Variants in BAIAP3 observed in about 807,000 individuals in gnomAD.
BAIAP3 encodes BAI1 associated protein 3.
In BAIAP3, 180 loss-of-function variants were observed where a neutral mutation model predicts 149.7. The observed-to-expected ratio is 1.20, with a 90% CI of 1.07 to 1.36. BAIAP3 has a LOEUF of 1.36. Among genes scored for constraint, BAIAP3 ranks in the 40% most tolerant of loss-of-function variants. The probability of loss-of-function intolerance (pLI) is 0.00; values close to 1 mark genes in which losing one functional copy is unlikely to be tolerated. For synonymous variants in BAIAP3, 845 were observed against 670.7 expected (o/e 1.26, Z -4.02); for missense variants, 1,767 against 1,563.4 (o/e 1.13, Z -2.20).
intron 1 of BAIAP3, among the ~76,000 whole-genome samples, chr16:1,337,573 A>G (rs2033545164): frequency 6.6e-6 from 1 of 152,104 alleles, no homozygotes; most frequent in African/African-American, 2.4e-5. Flanking sequence ...AAACAAAACA[A>G]AAAGTGGGTG....
In BAIAP3 at chr16:1,347,573, A is replaced by G. The variant is rs1052605699; in HGVS notation, c.2852A>G (p.Lys951Arg). ...KRLKEELRLH[K>R]CSTRECIEQF... is the part of the protein sequence containing the mutation. ...CTGAAGGAGGAGCTGCGGCTGCACA[A>G]ATGTTCCACCCGCGAGTGCATCGAG... Residue 951 changes from lysine (K) to arginine (R), a missense_variant, in exon 30 of 34, where the codon AAA (lysine) becomes AGA (arginine). Coordinates refer to ENST00000426824, the MANE Select transcript of BAIAP3 (RefSeq NM_001199097.2). 1.2e-6 allele frequency: 2 copies of G among 1,612,142 alleles called. No individual in the cohort carries two copies. The highest frequency in any genetic ancestry group is 1.3e-5 in the African/African-American group (1 of 74,888).
chr16:1,338,794 C>T (rs1467341270), intron 2 of BAIAP3, 108 bp from the exon 3 acceptor site: 2 of 1,576,764 alleles, frequency 1.3e-6, no homozygotes, highest in Non-Finnish European at 1.7e-6. Flanking sequence ...CTGCAGTTAG[C>T]TGTGCCACAC....
Position 1,341,430 on chromosome 16 carries a change from C to T in BAIAP3, c.672C>T (p.Ile224=), listed in dbSNP as rs1203213467. 1.2e-6 allele frequency: 2 copies of T among 1,612,418 alleles called. No individual in the cohort carries two copies. Among genetic ancestry groups the T allele is most frequent in the Admixed American group, 3.3e-5 (2 of 60,010 alleles). The change falls in exon 8 of 34, where the codon ATC becomes ATT. Residue 224 remains isoleucine, a synonymous_variant. Transcript: ENST00000426824. The part of the protein sequence containing the change: ...KRGGPLPAKC[I]QVTEVKSSTL... The stretch of plus-strand genomic sequence containing the variant: ...GTGGACCCCTGCCTGCCAAGTGCAT[C>T]CAGGTCACCGAGGTGAAGAGCAGCA...
Position 1,345,037 on chromosome 16 carries a change from G to T in BAIAP3, c.1878G>T (p.Gly626=). The change falls in exon 21 of 34, where the codon GGG becomes GGT. Residue 626 remains glycine, a synonymous_variant. Coordinates refer to ENST00000426824, the MANE Select transcript of BAIAP3 (RefSeq NM_001199097.2). ...AGATGACCCTGGAGGTGGCCTCGGG[G>T]CTCTTTGAGCTCTACCTGACCCTGG... ...SPKMTLEVAS[G]LFELYLTLAD... The T allele has an allele frequency of 6.2e-7, 1 of 1,612,412 alleles. No homozygotes were observed. Among genetic ancestry groups the T allele is most frequent in the Non-Finnish European group, 8.5e-7 (1 of 1,180,008 alleles).
At position 1,348,751 on chromosome 16, in the gene BAIAP3, G is replaced by T. The variant is rs1425451357; in HGVS notation, c.*269G>T. The stretch of plus-strand genomic sequence containing the variant: ...CCCAGGACACAGTGCAGGCCAGAGC[G>T]GGCTTGACCACCTGGTGGGCCTCCC... On this transcript the variant is annotated 3_prime_UTR_variant, in exon 34 of 34. Coordinates refer to ENST00000426824, the MANE Select transcript of BAIAP3 (RefSeq NM_001199097.2). 1 of 532,910 alleles carries T rather than the reference G, an allele frequency of 1.9e-6. No homozygotes were observed. Among genetic ancestry groups the T allele is most frequent in the Admixed American group, 3.4e-5 (1 of 29,796 alleles). The allele number at this position is 532,910 out of a possible 1,614,324, so 33.0% of individuals were successfully genotyped here.
intron 22 of BAIAP3, 67 bp downstream of exon 22, chr16:1,345,439 GCAACCCCAGCCTCCCCAGCAACCCCCA>G (rs2034258731): frequency 8.2e-7 from 1 of 1,214,610 alleles, no homozygotes. Context: ...CGCCTCCCCA[GCAACCCCAGCCTCCCCAGCAACCCCCA>G]GCCTCCTCCG....
rs745795252 is a variant in BAIAP3 at position 1,349,206 on chromosome 16, C to T, written c.*724C>T. 1.9e-5 allele frequency: 11 copies of T among 584,504 alleles called. No homozygotes were observed. Among genetic ancestry groups the T allele is most frequent in the Non-Finnish European group, 3.1e-5 (10 of 327,502 alleles). The allele number at this position is 584,504 out of a possible 1,614,324, so 36.2% of individuals were successfully genotyped here. A position where few individuals can be genotyped will look rare whatever the true frequency, so the allele number is the denominator to read the frequency against. ...CCGAGAGTTCGCCCCAACCCTTCCC[C>T]AGGCCCAGTGTGAAAAACAGACTCA... On this transcript the variant is annotated 3_prime_UTR_variant, in exon 34 of 34. Coordinates refer to ENST00000426824, the MANE Select transcript of BAIAP3 (RefSeq NM_001199097.2).
chr16:1,341,684 G>A (rs2033936944), intron 8 of BAIAP3, 138 bp from the exon 9 acceptor site: 2 of 1,196,436 alleles, frequency 1.7e-6, no homozygotes, highest in South Asian at 2.9e-5. Flanking sequence ...CACCTGGCGG[G>A]ATCAGGATTT....
chr16:1,338,395 G>C, intron 1 of BAIAP3, 145 bp from the exon 2 acceptor site: 3 of 1,062,188 alleles, frequency 2.8e-6, no homozygotes, highest in East Asian at 2.7e-5. Context: ...GCCTGACCAG[G>C]TGCCCAGCGC....
intron 14 of BAIAP3, 49 bp from the exon 15 acceptor site, chr16:1,343,344 A>T (rs1001554124): frequency 1.2e-5 from 18 of 1,561,948 alleles, no homozygotes; most frequent in Non-Finnish European, 1.6e-5. Flanking sequence ...CTGAGTGGGC[A>T]TGGCAGGGGC....
chr16:1,340,254 T>C (rs111173897), intron 5 of BAIAP3, among the ~76,000 whole-genome samples: 219 of 26,698 alleles, frequency 8.2e-3, no homozygotes, highest in Non-Finnish European at 0.01. Flanking sequence ...CACAGACGCA[T>C]ACGCACACAG....
chr16:1,338,466 AC>A (rs1393371499), intron 1 of BAIAP3, 73 bp from the exon 2 acceptor site: 4 of 134,810 alleles, frequency 3.0e-5, no homozygotes, highest in East Asian at 2.9e-4. Flanking sequence ...CCACCCCCCC[AC>A]CCCCCCGCCT....
intron 1 of BAIAP3, among the ~76,000 whole-genome samples, chr16:1,334,339 ACCCGCCCCCAGACTCACCCCGGACCG>A (rs2033317801): frequency 6.6e-6 from 1 of 151,438 alleles, no homozygotes; most frequent in South Asian, 2.1e-4. Context: ...GACACACTAG[ACCCGCCCCCAGACTCACCCCGGACCG>A]CCCGCCCCCT....
intron 5 of BAIAP3, 51 bp downstream of exon 5, chr16:1,339,654 C>G: frequency 7.0e-7 from 1 of 1,419,538 alleles, no homozygotes; most frequent in African/African-American, 1.4e-5. Context: ...CCCACCTCAA[C>G]CCCTTCCCCA....
At position 1,343,031 on chromosome 16, in the gene BAIAP3, C is replaced by T. The variant is rs775306639; in HGVS notation, c.1265+15C>T. 29 of 1,600,058 alleles carry T rather than the reference C, an allele frequency of 1.8e-5. No homozygotes were observed. The highest frequency in any genetic ancestry group is 1.6e-5 in the Non-Finnish European group (19 of 1,177,218). On this transcript the variant is annotated intron_variant, in intron 14 of 33. Coordinates refer to ENST00000426824, the MANE Select transcript of BAIAP3 (RefSeq NM_001199097.2). ...CTGGCCGTGCTGTGAGTGGGTGGAGCTACGAGTGGGCGGGGAATGTGGGCG... is the reference window on the plus strand; with the variant it reads ...CTGGCCGTGCTGTGAGTGGGTGGAGTTACGAGTGGGCGGGGAATGTGGGCG...
intron 14 of BAIAP3, 141 bp from the exon 15 acceptor site, chr16:1,343,252 G>T (rs1233895332): frequency 7.6e-6 from 10 of 1,317,322 alleles, no homozygotes; most frequent in Non-Finnish European, 9.3e-6. Context: ...TAATTGGAGG[G>T]CAGGGAAAGG....
In BAIAP3 at chr16:1,344,271, G is replaced by T. The variant is rs767326712; in HGVS notation, c.1556G>T (p.Cys519Phe). 1 of 1,613,874 alleles carries T rather than the reference G, an allele frequency of 6.2e-7. No individual in the cohort carries two copies. Among genetic ancestry groups the T allele is most frequent in the Non-Finnish European group, 8.5e-7 (1 of 1,180,010 alleles). The part of the protein sequence containing the change: ...LQLFQPSFEI[C>F]PFESELNMDI... ...CTCTTCCAACCCTCCTTTGAGATCT[G>T]CCCCTTCGAGTCGGAGCTGAACATG... The change falls in exon 17 of 34, where the codon TGC becomes TTC. Residue 519 changes from cysteine to phenylalanine, a missense_variant. Transcript: ENST00000426824.
At chr16:1,336,061 C>G in intron 1 of BAIAP3, 1 of 209,040 alleles carries the variant, frequency 4.8e-6, no homozygotes. Flanking sequence ...CAAAGACACC[C>G]CCTCCCCAAC....
At chr16:1,346,558 A>G in intron 26 of BAIAP3, 47 bp from the exon 27 acceptor site, 1 of 1,581,942 alleles carries the variant, frequency 6.3e-7, no homozygotes, top group Non-Finnish European at 8.6e-7. Flanking sequence ...TACTGGGGGT[A>G]GGGCAGAGGT....
Sources: gnomAD v4.1 joint callset for allele counts (sites outside exome capture counted in the v4.1 genomes callset) on GRCh38, gnomAD v4.1.1 for gene constraint, MANE v1.5 for transcripts, NCBI Gene and HGNC (gene_info 2026-07-23, HGNC 2026-07-21) for gene names.